Variants in PLPPR1 observed in about 807,000 individuals in gnomAD.
The protein encoded by PLPPR1 is phospholipid phosphatase related 1.
Under a neutral mutation model 33.1 loss-of-function variants are expected in PLPPR1, and 10 were observed. That is an observed-to-expected ratio of 0.30 (90% CI 0.19 to 0.51). PLPPR1 has a LOEUF of 0.51. Among genes scored for constraint, PLPPR1 ranks in the 20% least tolerant of loss-of-function variants. The pLI, the probability that PLPPR1 is intolerant of heterozygous loss-of-function variation, is 0.97. For synonymous variants in PLPPR1, 151 were observed against 151.0 expected (o/e 1.00, Z 0.00); for missense variants, 304 against 408.1 (o/e 0.74, Z 2.20).
At chr9:101,310,234 GA>G (rs1255684141) in intron 5 of PLPPR1, among the ~76,000 whole-genome samples, 4 of 152,004 alleles carry the variant, frequency 2.6e-5, no homozygotes, top group Non-Finnish European at 5.9e-5. Flanking sequence ...GCATTCTTAG[GA>G]CCCAGAATAT....
At chr9:101,067,441 G>A (rs1047216388) in intron 1 of PLPPR1, among the ~76,000 whole-genome samples, 1 of 151,852 alleles carries the variant, frequency 6.6e-6, no homozygotes, top group Non-Finnish European at 1.5e-5. Context: ...GTATTGAATA[G>A]GATGGTTAAA....
chr9:101,148,643 G>C (rs16919982), intron 1 of PLPPR1, among the ~76,000 whole-genome samples: 4,033 of 152,070 alleles, frequency 0.027, 172 homozygotes, highest in African/African-American at 0.087. Flanking sequence ...TTTTTTGCCA[G>C]ATTATTCTTA....
chr9:101,299,425 G>A (rs1828706980), intron 4 of PLPPR1, among the ~76,000 whole-genome samples: 1 of 152,164 alleles, frequency 6.6e-6, no homozygotes, highest in South Asian at 2.1e-4. Flanking sequence ...AGCAACCTTT[G>A]CTTGGGTCTC....
chr9:101,244,032 C>CA (rs961474789), intron 2 of PLPPR1, among the ~76,000 whole-genome samples: 47 of 151,112 alleles, frequency 3.1e-4, no homozygotes, highest in African/African-American at 1.1e-3. Context: ...AAAATAACCC[C>CA]AAAAAAAGGG....
chr9:101,054,754 C>G (rs1830262132), intron 1 of PLPPR1, among the ~76,000 whole-genome samples: 1 of 152,144 alleles, frequency 6.6e-6, no homozygotes, highest in Non-Finnish European at 1.5e-5. Context: ...AATAAACGAG[C>G]CTTCTTTGTT....
chr9:101,312,443 C>T (rs934999992), intron 5 of PLPPR1, among the ~76,000 whole-genome samples: 1 of 152,192 alleles, frequency 6.6e-6, no homozygotes, highest in African/African-American at 2.4e-5. Context: ...ATCTCAGACT[C>T]TCATATGGAT....
intron 3 of PLPPR1, among the ~76,000 whole-genome samples, chr9:101,278,103 T>C (rs78090943): frequency 0.053 from 8,001 of 152,260 alleles, 661 homozygotes; most frequent in African/African-American, 0.18. Flanking sequence ...CCACAAAATA[T>C]GTATTCTGGG....
intron 2 of PLPPR1, among the ~76,000 whole-genome samples, chr9:101,262,146 A>C (rs920614968): frequency 6.6e-6 from 1 of 152,190 alleles, no homozygotes. Context: ...CTCTTCTAGG[A>C]AACTATTTTT....
intron 1 of PLPPR1, among the ~76,000 whole-genome samples, chr9:101,085,861 C>CG (rs200287379): frequency 0.021 from 3,178 of 151,228 alleles, 90 homozygotes; most frequent in East Asian, 0.16. Flanking sequence ...GGAAATGGAC[C>CG]GGGGGGGGCT....
chr9:101,161,378 T>C (rs1014177532), intron 1 of PLPPR1, among the ~76,000 whole-genome samples: 4 of 152,160 alleles, frequency 2.6e-5, no homozygotes, highest in Non-Finnish European at 5.9e-5. Flanking sequence ...AACTGTTCAC[T>C]GATGTTAAGC....
intron 4 of PLPPR1, among the ~76,000 whole-genome samples, chr9:101,304,356 C>A (rs571414535): frequency 6.6e-6 from 1 of 152,192 alleles, no homozygotes; most frequent in Non-Finnish European, 1.5e-5. Context: ...GCAATTCATT[C>A]ATTGATCCCA....
intron 2 of PLPPR1, among the ~76,000 whole-genome samples, chr9:101,221,280 A>T (rs1020530078): frequency 1.3e-5 from 2 of 152,024 alleles, no homozygotes. Context: ...AATCCATTGT[A>T]TCATTCTTAT....
At chr9:101,231,425 G>A (rs1827184278) in intron 2 of PLPPR1, among the ~76,000 whole-genome samples, 1 of 151,254 alleles carries the variant, frequency 6.6e-6, no homozygotes, top group Admixed American at 6.6e-5. Flanking sequence ...TATACATCAA[G>A]CAGAGATTTA....
At chr9:101,237,965 A>C (rs1827347560) in intron 2 of PLPPR1, among the ~76,000 whole-genome samples, 1 of 129,548 alleles carries the variant, frequency 7.7e-6, no homozygotes, top group African/African-American at 3.0e-5. Context: ...ACACACACAC[A>C]CAGGCTATAT....
chr9:101,170,012 A>G (rs1209966293), intron 1 of PLPPR1, among the ~76,000 whole-genome samples: 1 of 151,900 alleles, frequency 6.6e-6, no homozygotes, highest in Non-Finnish European at 1.5e-5. Context: ...GTCAATCAGG[A>G]GCTTAAAAAA....
chr9:101,092,618 C>T (rs531899242), intron 1 of PLPPR1, among the ~76,000 whole-genome samples: 8 of 152,268 alleles, frequency 5.3e-5, no homozygotes, highest in Non-Finnish European at 1.0e-4. Flanking sequence ...GCTGCAGGAA[C>T]ATTGCACCCT....
chr9:101,319,767 A>G (rs554779923), intron 7 of PLPPR1, among the ~76,000 whole-genome samples: 1 of 152,350 alleles, frequency 6.6e-6, no homozygotes, highest in Non-Finnish European at 1.5e-5. Flanking sequence ...TAGTGAAGTC[A>G]GAGAGGGTCT....
At chr9:101,140,222 T>A (rs969695040) in intron 1 of PLPPR1, among the ~76,000 whole-genome samples, 3 of 114,976 alleles carry the variant, frequency 2.6e-5, no homozygotes, top group African/African-American at 8.6e-5. Context: ...GAAGAATAGA[T>A]TCTGTTTTTT....
At chr9:101,100,811 A>C (rs1460496390) in intron 1 of PLPPR1, among the ~76,000 whole-genome samples, 1 of 94,412 alleles carries the variant, frequency 1.1e-5, no homozygotes, top group Non-Finnish European at 2.3e-5. Flanking sequence ...TAATCCTCAT[A>C]GTTAGGGCCC....
Sources: gnomAD v4.1 joint callset for allele counts (sites outside exome capture counted in the v4.1 genomes callset) on GRCh38, gnomAD v4.1.1 for gene constraint, MANE v1.5 for transcripts, NCBI Gene and HGNC (gene_info 2026-07-23, HGNC 2026-07-21) for gene names.